The following CDC20B variants were observed in gnomAD, a reference collection of about 807,000 sequenced individuals.
CDC20B encodes cell division cycle 20B, also known as cell division cycle protein 20 homolog B.
Under a neutral mutation model 64.1 loss-of-function variants are expected in CDC20B, and 58 were observed. That is an observed-to-expected ratio of 0.90 (90% CI 0.73 to 1.13). The LOEUF is 1.13. CDC20B is among the 50% of genes most tolerant of loss of function. The pLI is 0.00. For missense variants in CDC20B, 597 were observed against 633.0 expected, an observed-to-expected ratio of 0.94 and a Z score of 0.61; for synonymous variants, 243 against 230.6, an observed-to-expected ratio of 1.05 and a Z score of -0.49.
At position 55,126,138 on chromosome 5, in the gene CDC20B, T is replaced by C. The variant is rs1018130356; in HGVS notation, c.990-1110A>G. Among the ~76,000 whole-genome samples, 2 of 152,174 alleles carry C rather than the reference T, an allele frequency of 1.3e-5. 1 individual carries two copies. Among genetic ancestry groups the C allele is most frequent in the Admixed American group, 1.3e-4 (2 of 15,282 alleles). ...ATTGACTGCAATAACTAAGTTGTTT[T>C]AAGACCGGCCAAAAACACAAGATAT... is the stretch of plus-strand genomic sequence containing the variant. On this transcript the variant is annotated intron_variant, in intron 8 of 11. Coordinates refer to ENST00000381375, the MANE Select transcript of CDC20B (RefSeq NM_001170402.1).
intron 5 of CDC20B, chr5:55,137,525 A>G (rs1270786005): frequency 2.2e-6 from 1 of 456,652 alleles, no homozygotes; most frequent in South Asian, 1.5e-5. Context: ...AAGTTCCCTT[A>G]AAAGAATCAA....
chr5:55,151,060 T>C (rs1743653948), intron 2 of CDC20B, among the ~76,000 whole-genome samples: 1 of 152,164 alleles, frequency 6.6e-6, no homozygotes, highest in South Asian at 2.1e-4. Context: ...GAACTTTCAT[T>C]TCCCCACTTT....
intron 2 of CDC20B, among the ~76,000 whole-genome samples, chr5:55,148,863 C>T (rs1743579407): frequency 6.6e-6 from 1 of 152,172 alleles, no homozygotes; most frequent in Non-Finnish European, 1.5e-5. Context: ...TATTTACGCC[C>T]ATTTTATCAG....
intron 2 of CDC20B, among the ~76,000 whole-genome samples, chr5:55,157,840 C>T (rs74561680): frequency 6.6e-6 from 1 of 152,124 alleles, no homozygotes; most frequent in East Asian, 1.9e-4. Context: ...AACATCCCTG[C>T]CAAAGATAAA....
chr5:55,153,373 T>C (rs1436020890), intron 2 of CDC20B, among the ~76,000 whole-genome samples: 1 of 152,056 alleles, frequency 6.6e-6, no homozygotes, highest in African/African-American at 2.4e-5. Flanking sequence ...AGTTCAAGTC[T>C]GTAGGGCCAA....
chr5:55,158,725 T>C (rs982082734), intron 2 of CDC20B, among the ~76,000 whole-genome samples: 2 of 152,180 alleles, frequency 1.3e-5, no homozygotes, highest in African/African-American at 4.8e-5. Context: ...GCCATGAGTC[T>C]TAAACAGAGC....
At chr5:55,172,395 CAGATGCAAACGATTGCATTATTTG>C in intron 2 of CDC20B, 169 bp downstream of exon 2, 1 of 553,766 alleles carries the variant, frequency 1.8e-6, no homozygotes, top group Non-Finnish European at 3.2e-6. Context: ...AAGTACGATT[CAGATGCAAACGATTGCATTATTTG>C]TCTGGGATCT....
rs1356801330 is a variant in CDC20B at position 55,171,027 on chromosome 5, CTG to C, written c.126+1559_126+1560del. On this transcript the variant is annotated intron_variant, in intron 2 of 11. Transcript: ENST00000381375. ...CAAATGAATTTTAAAAGTTACTTAA[CTG>C]TAGGCTGGGCGCAGTGGCTTATGCC... Among the ~76,000 whole-genome samples the C allele has an allele frequency of 2.0e-5, 3 of 152,192 alleles. No homozygotes were observed. In the East Asian group the frequency reaches 5.8e-4, roughly 29 times the overall value.
intron 1 of CDC20B, 30 bp downstream of exon 1, chr5:55,172,908 A>AG (rs1455594913): frequency 1.3e-6 from 2 of 1,573,064 alleles, no homozygotes; most frequent in Admixed American, 3.7e-5. Flanking sequence ...TTAGAGAGTT[A>AG]GGGAGAATGC....
intron 2 of CDC20B, chr5:55,165,988 G>T (rs1421993929): frequency 6.6e-6 from 1 of 152,210 alleles, no homozygotes; most frequent in Non-Finnish European, 1.5e-5. Context: ...TTGCAATTTT[G>T]CTCCAAGAGC....
In CDC20B at chr5:55,121,785, AG is replaced by A. The variant is rs554947008; in HGVS notation, c.1216-1236del. 2.4e-3 allele frequency among the ~76,000 whole-genome samples: 364 copies of A among 152,290 alleles called. 3 individuals carry two copies. Among genetic ancestry groups the A allele is most frequent in the African/African-American group, 8.3e-3 (347 of 41,560 alleles). ...TAAAATCATTACAAAACAGATTATA[AG>A]GGTAATTTATTTTCTTCTTAGCAAG... On this transcript the variant is annotated intron_variant, in intron 9 of 11. Coordinates refer to ENST00000381375, the MANE Select transcript of CDC20B (RefSeq NM_001170402.1).
chr5:55,149,770 T>G (rs552548961), intron 2 of CDC20B, among the ~76,000 whole-genome samples: 202 of 152,316 alleles, frequency 1.3e-3, no homozygotes, highest in Non-Finnish European at 1.9e-3. Flanking sequence ...GAAAACATTT[T>G]GGAACAAGAG....
intron 2 of CDC20B, among the ~76,000 whole-genome samples, chr5:55,171,175 G>A (rs62360415): frequency 3.3e-5 from 5 of 151,974 alleles, no homozygotes; most frequent in African/African-American, 4.8e-5. Flanking sequence ...TTAGCCCAGC[G>A]TGGTGGTGCT....
rs1396067119 is a variant in CDC20B, at chr5:55,147,700, G to A, written c.127-844C>T. Among the ~76,000 whole-genome samples, 4 of 151,848 alleles carry A rather than the reference G, an allele frequency of 2.6e-5. No homozygotes were observed. The South Asian group carries it at 8.3e-4, about 32-fold the overall frequency. On this transcript the variant is annotated intron_variant, in intron 2 of 11. Transcript: ENST00000381375. ...TAGAGCCTCTGCTCAAGGGTCTGTAGGTATACCAATGTAGTTTAGGGAGTA... is the reference window on the plus strand; with the variant it reads ...TAGAGCCTCTGCTCAAGGGTCTGTAAGTATACCAATGTAGTTTAGGGAGTA...
intron 6 of CDC20B, 53 bp from the exon 7 acceptor site, chr5:55,128,670 G>A: frequency 7.5e-7 from 1 of 1,341,040 alleles, no homozygotes; most frequent in Non-Finnish European, 9.9e-7. Context: ...ATGAAAACAT[G>A]TTCAAATAAA....
Position 55,114,239 on chromosome 5 carries a change from G to T in CDC20B, c.1539C>A (p.Ala513=), listed in dbSNP as rs779967998. 6.2e-7 allele frequency: 1 copy of T among 1,613,626 alleles called. No homozygotes were observed. The highest frequency in any genetic ancestry group is 8.5e-7 in the Non-Finnish European group (1 of 1,179,784). ...RVFSAAADGT[A]SVWNCY is the part of the protein sequence containing the mutation. ...GGTGCTAGTAGCAATTCCATACAGA[G>T]GCCGTCCCATCAGCTGCAGCAGAAA... The change falls in exon 12 of 12, where the codon GCC becomes GCA. Residue 513 remains alanine, a synonymous_variant. Coordinates refer to ENST00000381375, the MANE Select transcript of CDC20B (RefSeq NM_001170402.1). The surrounding 1 kb of genome is among the most constrained non-coding windows in gnomAD (Gnocchi z 4.1).
chr5:55,119,519 A>G (rs1470057160), intron 11 of CDC20B, among the ~76,000 whole-genome samples: 1 of 152,184 alleles, frequency 6.6e-6, no homozygotes, highest in African/African-American at 2.4e-5. Flanking sequence ...ATGATTTGTG[A>G]TGCTAACTCG....
At position 55,124,785 on chromosome 5, in the gene CDC20B, A is replaced by ATCTATTGG. The variant is rs776254515; in HGVS notation, c.1215+10_1215+17dup. 1 of 1,599,762 alleles carries ATCTATTGG rather than the reference A, an allele frequency of 6.3e-7. No homozygotes were observed. Among genetic ancestry groups the ATCTATTGG allele is most frequent in the Non-Finnish European group, 8.6e-7 (1 of 1,168,292 alleles). On this transcript the variant is annotated intron_variant, in intron 9 of 11. Transcript: ENST00000381375. ...CCTCTGAGTAACAGGAAACCTAGAA[A>ATCTATTGG]TCTATTGGGTTTCTTACCTTGACTG... is the stretch of plus-strand genomic sequence containing the variant.
intron 2 of CDC20B, among the ~76,000 whole-genome samples, chr5:55,169,673 C>CA (rs993040188): frequency 3.4e-4 from 52 of 151,938 alleles, no homozygotes; most frequent in East Asian, 1.2e-3. Context: ...ATCCCCCACC[C>CA]AAAAAAAATC....
Sources: allele counts gnomAD v4.1 joint callset (sites outside exome capture counted in the v4.1 genomes callset), GRCh38; gene constraint gnomAD v4.1.1; non-coding constraint Gnocchi (gnomAD v3.1); transcripts MANE v1.5; gene names NCBI Gene and HGNC (gene_info 2026-07-23, HGNC 2026-07-21).